MYOCD: variants seen among roughly 807,000 people sequenced by gnomAD.
The protein encoded by MYOCD is myocardin.
Under a neutral mutation model 96.1 loss-of-function variants are expected in MYOCD, and 32 were observed. That is an observed-to-expected ratio of 0.33 (90% CI 0.25 to 0.45). MYOCD has a LOEUF of 0.45. Ranked by LOEUF, MYOCD falls within the 20% of genes least tolerant of loss-of-function variation. The probability of loss-of-function intolerance (pLI) is 1.00; values close to 1 mark genes in which losing one functional copy is unlikely to be tolerated. For synonymous variants in MYOCD, 469 were observed against 469.0 expected (o/e 1.00, Z 0.00); for missense variants, 1,133 against 1,200.6 (o/e 0.94, Z 0.83).
intron 6 of MYOCD, among the ~76,000 whole-genome samples, chr17:12,738,391 C>G (rs1041503624): frequency 6.6e-6 from 1 of 152,018 alleles, no homozygotes; most frequent in Non-Finnish European, 1.5e-5. Context: ...ATAATTTTTC[C>G]CTTTACAGAC....
intron 5 of MYOCD, among the ~76,000 whole-genome samples, chr17:12,734,504 CT>C (rs3050319): frequency 0.16 from 10,257 of 64,288 alleles, 188 homozygotes; most frequent in Middle Eastern, 0.24. Context: ...ACACATGATC[CT>C]TTTTTTTTTT....
intron 9 of MYOCD, 152 bp from the exon 10 acceptor site, chr17:12,752,262 C>G: frequency 3.0e-6 from 2 of 657,046 alleles, no homozygotes; most frequent in Non-Finnish European, 5.1e-6. Flanking sequence ...TGATTTATAT[C>G]AGGGGTAGGA....
chr17:12,736,774 G>T (rs561944114), intron 6 of MYOCD, among the ~76,000 whole-genome samples: 1 of 152,252 alleles, frequency 6.6e-6, no homozygotes, highest in East Asian at 1.9e-4. Flanking sequence ...AGAAGGAAAC[G>T]CTGGCTCTCT....
At chr17:12,705,744 G>A (rs1456502491) in intron 2 of MYOCD, 6 of 152,194 alleles carry the variant, frequency 3.9e-5, no homozygotes, top group Non-Finnish European at 8.8e-5. Flanking sequence ...TACCAATTCA[G>A]CAATGAAAGC....
At chr17:12,717,129 A>C (rs762070684) in intron 3 of MYOCD, among the ~76,000 whole-genome samples, 1 of 151,864 alleles carries the variant, frequency 6.6e-6, no homozygotes, top group Non-Finnish European at 1.5e-5. Context: ...TTAGGTTTGT[A>C]GCCCTGATGT....
At chr17:12,709,616 G>T (rs757367156) in intron 2 of MYOCD, among the ~76,000 whole-genome samples, 1 of 152,126 alleles carries the variant, frequency 6.6e-6, no homozygotes, top group Non-Finnish European at 1.5e-5. Flanking sequence ...TTATTGTTTA[G>T]ATTTATCTCC....
intron 2 of MYOCD, chr17:12,706,043 GA>G (rs543470273): frequency 6.6e-6 from 1 of 152,162 alleles, no homozygotes; most frequent in South Asian, 2.1e-4. Context: ...ACATTAGTTA[GA>G]AAAAATGTTG....
At chr17:12,736,025 C>A in intron 5 of MYOCD, 136 bp from the exon 6 acceptor site, 1 of 754,540 alleles carries the variant, frequency 1.3e-6, no homozygotes, top group Non-Finnish European at 2.2e-6. Context: ...AGTATAGCTT[C>A]ACTCTTACCT....
intron 1 of MYOCD, among the ~76,000 whole-genome samples, chr17:12,701,660 T>C (rs980244310): frequency 6.6e-6 from 1 of 152,182 alleles, no homozygotes; most frequent in African/African-American, 2.4e-5. Context: ...CTAATATAAG[T>C]ATTTAAAACT....
intron 2 of MYOCD, among the ~76,000 whole-genome samples, chr17:12,713,033 G>A (rs1230649955): frequency 6.6e-6 from 1 of 152,166 alleles, no homozygotes; most frequent in Non-Finnish European, 1.5e-5. Context: ...GCCCATGGCA[G>A]GATAGTTTTC....
At chr17:12,726,310 T>A (rs970730691) in intron 5 of MYOCD, among the ~76,000 whole-genome samples, 2 of 152,160 alleles carry the variant, frequency 1.3e-5, no homozygotes, top group Non-Finnish European at 2.9e-5. Context: ...AAGGTTGCCA[T>A]GGGCAGTAAG....
intron 5 of MYOCD, among the ~76,000 whole-genome samples, chr17:12,728,557 G>A (rs1378155443): frequency 4.6e-5 from 7 of 152,060 alleles, no homozygotes; most frequent in Admixed American, 1.3e-4. Flanking sequence ...TCAGCTCACC[G>A]CAACCTCTGT....
At chr17:12,720,251 C>T (rs1597779943) in intron 4 of MYOCD, 1 of 152,066 alleles carries the variant, frequency 6.6e-6, no homozygotes, top group Non-Finnish European at 1.5e-5. Context: ...CCCCTGGGAC[C>T]TATGTAAATC....
At position 12,763,327 on chromosome 17, in the gene MYOCD, C is replaced by T. The variant is rs756427060; in HGVS notation, c.2644C>T (p.His882Tyr). The change falls in exon 14 of 14, where the codon CAC (histidine) becomes TAC (tyrosine). Residue 882 changes from histidine (H) to tyrosine (Y), a missense_variant. Physicochemically the swap from His to Tyr is moderately conservative, Grantham distance 83. Coordinates refer to ENST00000425538, the MANE Select transcript of MYOCD (RefSeq NM_001146312.3). ...TCTAAAAATTGGGAGCGAAGAGCCT[C>T]ACTTTGATGGGATAATGGATGGATT... The part of the protein sequence containing the change: ...TLLKIGSEEP[H>Y]FDGIMDGFSG... 4.3e-5 allele frequency: 69 copies of T among 1,607,286 alleles called. No homozygotes were observed. Among genetic ancestry groups the T allele is most frequent in the Non-Finnish European group, 5.8e-5 (68 of 1,176,978 alleles).
rs534055360 is a variant in MYOCD, at chr17:12,703,014, G to A, written c.56-2114G>A. Among the ~76,000 whole-genome samples, 136 of 151,830 alleles carry A rather than the reference G, an allele frequency of 9.0e-4. 1 individual carries two copies. The highest frequency in any genetic ancestry group is 3.2e-3 in the African/African-American group (134 of 41,484). ...GTTATCTTCTGGTATCATTTCCCTT[G>A]AGCCTGAAGAATTTACTTAAGCATT... On this transcript the variant is annotated intron_variant, in intron 1 of 13. Coordinates refer to ENST00000425538, the MANE Select transcript of MYOCD (RefSeq NM_001146312.3).
In MYOCD at chr17:12,697,266, T is replaced by C. The variant is rs562128794; in HGVS notation, c.56-7862T>C. Among the ~76,000 whole-genome samples the C allele has an allele frequency of 7.6e-4, 115 of 151,134 alleles. 2 individuals carry two copies. The highest frequency in any genetic ancestry group is 2.7e-3 in the African/African-American group (113 of 41,222). On this transcript the variant is annotated intron_variant, in intron 1 of 13. Coordinates refer to ENST00000425538, the MANE Select transcript of MYOCD (RefSeq NM_001146312.3). ...TTTTTCAATCCAATCCCATATGTTT[T>C]GTGTGTTTCATAAATTACTTAGGGT...
At chr17:12,738,028 T>C (rs1000008196) in intron 6 of MYOCD, among the ~76,000 whole-genome samples, 3 of 152,232 alleles carry the variant, frequency 2.0e-5, no homozygotes, top group African/African-American at 7.2e-5. Context: ...TCAGATCATT[T>C]GTACACATTA....
intron 4 of MYOCD, 67 bp downstream of exon 4, chr17:12,717,488 T>G (rs1192186355): frequency 2.3e-6 from 3 of 1,307,356 alleles, no homozygotes; most frequent in South Asian, 1.2e-5. Flanking sequence ...CCAGAGTTAC[T>G]TGTCTCTGTA....
chr17:12,680,595 G>A (rs1389159016), intron 1 of MYOCD, among the ~76,000 whole-genome samples: 2 of 152,186 alleles, frequency 1.3e-5, no homozygotes, highest in Non-Finnish European at 1.5e-5. Context: ...CCCTCCCACC[G>A]GCCCCGGGCG....
Sources: allele counts gnomAD v4.1 joint callset (sites outside exome capture counted in the v4.1 genomes callset), GRCh38; gene constraint gnomAD v4.1.1; transcripts MANE v1.5; gene names NCBI Gene and HGNC (gene_info 2026-07-23, HGNC 2026-07-21).